Variants in RXYLT1 observed in about 807,000 individuals in gnomAD.
The protein encoded by RXYLT1 is ribitol-5-phosphate xylosyltransferase 1.
RXYLT1 carries 41 observed loss-of-function variants against 43.5 expected under a neutral mutation model. The observed-to-expected ratio is 0.94, with a 90% CI of 0.73 to 1.22. The LOEUF (loss-of-function observed/expected upper bound fraction) is 1.22, where lower values mean the gene tolerates loss of function less well. RXYLT1 is among the 50% of genes most tolerant of loss of function. RXYLT1 has a pLI of 0.00. For synonymous variants in RXYLT1, 166 were observed against 194.4 expected (o/e 0.85, Z 1.21); for missense variants, 514 against 532.0 (o/e 0.97, Z 0.33).
chr12:63,789,088 C>G (rs1401880900), intron 3 of RXYLT1, among the ~76,000 whole-genome samples: 1 of 152,146 alleles, frequency 6.6e-6, no homozygotes, highest in Non-Finnish European at 1.5e-5. Flanking sequence ...ACTAAGAATC[C>G]ATGCCTATAT....
intron 1 of RXYLT1, chr12:63,780,393 A>C: frequency 1.6e-6 from 2 of 1,260,686 alleles, no homozygotes; most frequent in Non-Finnish European, 2.0e-6. Context: ...ACGTGTTAAA[A>C]TCCAAGACGT....
Position 63,785,127 on chromosome 12 carries a change from T to G in RXYLT1, c.428+55T>G, listed in dbSNP as rs1037771584. On this transcript the variant is annotated intron_variant, in intron 3 of 5. Transcript: ENST00000261234. Reference sequence around the variant, plus strand: ...ACCTTTGATGTTTTGCTCTGCAATATTTTCTGTAAATACTAAAAGAAAAAT... The same window carrying G: ...ACCTTTGATGTTTTGCTCTGCAATAGTTTCTGTAAATACTAAAAGAAAAAT... 24 of 1,290,564 alleles carry G rather than the reference T, an allele frequency of 1.9e-5. No individual in the cohort carries two copies. The East Asian group carries it at 2.4e-4, about 13-fold the overall frequency. The allele number at this position is 1,290,564 out of a possible 1,614,324, so 79.9% of individuals were successfully genotyped here.
chr12:63,779,954 G>A lies in RXYLT1; in HGVS notation c.-7G>A, dbSNP rs548122095. Reference sequence around the variant, plus strand: ...GCGGTGGATGCCTGACTGGAAGCCCGAGTGGGATGCGGCTGACGCGGAAGC... The same window carrying A: ...GCGGTGGATGCCTGACTGGAAGCCCAAGTGGGATGCGGCTGACGCGGAAGC... On this transcript the variant is annotated 5_prime_UTR_variant, in exon 1 of 6. Coordinates refer to ENST00000261234, the MANE Select transcript of RXYLT1 (RefSeq NM_014254.3). 2 of 1,610,658 alleles carry A rather than the reference G, an allele frequency of 1.2e-6. No homozygotes were observed. Among genetic ancestry groups the A allele is most frequent in the Non-Finnish European group, 1.7e-6 (2 of 1,178,968 alleles).
Position 63,809,144 on chromosome 12 carries a change from G to A in RXYLT1, c.*52G>A, listed in dbSNP as rs1898392712. ...TTTAAAATCATTTTGACTACTGGGT[G>A]TATAAATGTGTTTGTGTGTGTATGT... On this transcript the variant is annotated 3_prime_UTR_variant, in exon 6 of 6. Coordinates refer to ENST00000261234, the MANE Select transcript of RXYLT1 (RefSeq NM_014254.3). 1.3e-5 allele frequency: 16 copies of A among 1,254,762 alleles called. No individual in the cohort carries two copies. In the East Asian group the frequency reaches 3.8e-4, roughly 30 times the overall value. 77.7% of individuals were successfully genotyped at this position (1,254,762 alleles called of 1,614,324 possible).
chr12:63,791,398 G>A (rs991835246), intron 3 of RXYLT1, among the ~76,000 whole-genome samples: 1 of 152,150 alleles, frequency 6.6e-6, no homozygotes, highest in Non-Finnish European at 1.5e-5. Flanking sequence ...ATCAAGATTC[G>A]ATTATAACAT....
At chr12:63,788,499 A>G (rs1476368655) in intron 3 of RXYLT1, among the ~76,000 whole-genome samples, 5 of 152,358 alleles carry the variant, frequency 3.3e-5, no homozygotes, top group Middle Eastern at 3.4e-3. Flanking sequence ...CAGCTTCTAC[A>G]TTAGTACTTG....
At chr12:63,806,594 G>A (rs1162548376) in intron 5 of RXYLT1, 1 of 152,232 alleles carries the variant, frequency 6.6e-6, no homozygotes, top group Admixed American at 6.5e-5. Context: ...TGGAATGAAT[G>A]AGGACAGTGT....
chr12:63,797,895 A>G (rs1898069850), intron 3 of RXYLT1, among the ~76,000 whole-genome samples: 1 of 152,214 alleles, frequency 6.6e-6, no homozygotes, highest in Admixed American at 6.5e-5. Context: ...ATTTAGGAGC[A>G]AAATGGTCGG....
intron 3 of RXYLT1, among the ~76,000 whole-genome samples, chr12:63,794,334 T>C (rs1382961200): frequency 6.6e-6 from 1 of 152,202 alleles, no homozygotes; most frequent in Admixed American, 6.5e-5. Context: ...TTGTTCTCAG[T>C]TTCTTACTAA....
chr12:63,805,645 C>T, intron 5 of RXYLT1: 1 of 353,046 alleles, frequency 2.8e-6, no homozygotes, highest in East Asian at 4.5e-5. Flanking sequence ...TTGCAAATTT[C>T]AGTTGTTAGG....
chr12:63,808,659 T>C lies in RXYLT1; in HGVS notation c.915-16T>C. The C allele has an allele frequency of 6.3e-7, 1 of 1,590,678 alleles. No homozygotes were observed. Among genetic ancestry groups the C allele is most frequent in the South Asian group, 1.2e-5 (1 of 86,206 alleles). Reference sequence around the variant, plus strand: ...TTAGTAAAGTGAAAACTACAGTTGTTTTTCTGATTTTCTAGCTGGCAGCCT... The same window carrying C: ...TTAGTAAAGTGAAAACTACAGTTGTCTTTCTGATTTTCTAGCTGGCAGCCT... On this transcript the variant is annotated splice_polypyrimidine_tract_variant and intron_variant, in intron 5 of 5. Transcript: ENST00000261234.
At chr12:63,797,938 G>A (rs1211226395) in intron 3 of RXYLT1, among the ~76,000 whole-genome samples, 1 of 152,068 alleles carries the variant, frequency 6.6e-6, no homozygotes, top group Non-Finnish European at 1.5e-5. Context: ...GAAGATGAGA[G>A]AGGGAAACAA....
intron 3 of RXYLT1, among the ~76,000 whole-genome samples, chr12:63,799,418 C>T (rs528834368): frequency 6.6e-6 from 1 of 151,208 alleles, no homozygotes; most frequent in East Asian, 1.9e-4. Flanking sequence ...GATCCTCCTG[C>T]CTCAGCCTGC....
chr12:63,802,106 A>C lies in RXYLT1; in HGVS notation c.444A>C (p.Pro148=). 1 of 1,599,358 alleles carries C rather than the reference A, an allele frequency of 6.3e-7. No individual in the cohort carries two copies. Among genetic ancestry groups the C allele is most frequent in the Non-Finnish European group, 8.5e-7 (1 of 1,172,020 alleles). ...GRTQYSFITG[P]AVIPGYFSVD... The stretch of plus-strand genomic sequence containing the variant: ...TTTTTAACAGCTTCATCACTGGTCC[A>C]GCTGTAATACCAGGGTACTTCTCCG... The change falls in exon 4 of 6, where the codon CCA becomes CCC. Residue 148 remains proline, a synonymous_variant. Transcript: ENST00000261234.
At chr12:63,796,910 C>T (rs956658413) in intron 3 of RXYLT1, among the ~76,000 whole-genome samples, 5 of 150,496 alleles carry the variant, frequency 3.3e-5, no homozygotes, top group African/African-American at 1.2e-4. Context: ...ATAAAAAAGC[C>T]AACTATTAGA....
Position 63,779,940 on chromosome 12 carries a change from C to T in RXYLT1, c.-21C>T. The stretch of plus-strand genomic sequence containing the variant: ...CCGCCCGCTCCATGGCGGTGGATGC[C>T]TGACTGGAAGCCCGAGTGGGATGCG... On this transcript the variant is annotated 5_prime_UTR_variant, in exon 1 of 6. Coordinates refer to ENST00000261234, the MANE Select transcript of RXYLT1 (RefSeq NM_014254.3). The T allele has an allele frequency of 6.2e-7, 1 of 1,609,712 alleles. No homozygotes were observed. Among genetic ancestry groups the T allele is most frequent in the Non-Finnish European group, 8.5e-7 (1 of 1,178,824 alleles).
chr12:63,804,598 T>C (rs1040022259), intron 4 of RXYLT1: 3 of 152,232 alleles, frequency 2.0e-5, no homozygotes, highest in African/African-American at 4.8e-5. Context: ...TTTTGAAATA[T>C]ATTTACAACG....
At chr12:63,788,916 G>GT (rs1897862729) in intron 3 of RXYLT1, among the ~76,000 whole-genome samples, 1 of 152,038 alleles carries the variant, frequency 6.6e-6, no homozygotes, top group African/African-American at 2.4e-5. Context: ...CTAGCTTTTG[G>GT]TTGCAAGCTT....
rs1284912547 is a variant in RXYLT1, at chr12:63,809,046, T to A, written c.1286T>A (p.Phe429Tyr). 6.4e-7 allele frequency: 1 copy of A among 1,573,486 alleles called. No individual in the cohort carries two copies. Among genetic ancestry groups the A allele is most frequent in the African/African-American group, 1.4e-5 (1 of 72,458 alleles). The change falls in exon 6 of 6, where the codon TTT (phenylalanine) becomes TAT (tyrosine). Residue 429 changes from phenylalanine (F) to tyrosine (Y), a missense_variant. Transcript: ENST00000261234. The part of the protein sequence containing the change: ...QHFKTELKMK[F>Y]TNILESSFLM... ...TTCAAGACAGAGCTTAAAATGAAAT[T>A]TACTAATATTTTAGAAAGCTCATTT...
Sources: gnomAD v4.1 joint callset for allele counts (sites outside exome capture counted in the v4.1 genomes callset) on GRCh38, gnomAD v4.1.1 for gene constraint, MANE v1.5 for transcripts, NCBI Gene and HGNC (gene_info 2026-07-23, HGNC 2026-07-21) for gene names.